RCAN2: variants seen among roughly 807,000 people sequenced by gnomAD.
The protein encoded by RCAN2 is calcipressin-2.
In RCAN2, 9 loss-of-function variants were observed where a neutral mutation model predicts 23.6. The observed-to-expected ratio is 0.38, with a 90% confidence interval of 0.23 to 0.67. The LOEUF is 0.67. Ranked by LOEUF, RCAN2 falls within the 30% of genes least tolerant of loss-of-function variation. The pLI, the probability that RCAN2 is intolerant of heterozygous loss-of-function variation, is 0.51. For missense variants in RCAN2, 273 were observed against 302.3 expected (o/e 0.90, Z 0.72); for synonymous variants, 109 against 115.7 (o/e 0.94, Z 0.37).
At chr6:46,315,116 G>C (rs1325234764) in intron 2 of RCAN2, among the ~76,000 whole-genome samples, 2 of 152,162 alleles carry the variant, frequency 1.3e-5, no homozygotes, top group African/African-American at 4.8e-5. Flanking sequence ...ATTAAAACTG[G>C]CCTTGAATCT....
At chr6:46,450,878 C>A (rs1372260570) in intron 2 of RCAN2, among the ~76,000 whole-genome samples, 2 of 151,914 alleles carry the variant, frequency 1.3e-5, no homozygotes, top group Non-Finnish European at 2.9e-5. Context: ...TAAAAATAAT[C>A]TATTGTATTT....
At chr6:46,371,374 A>G (rs142691080) in intron 2 of RCAN2, among the ~76,000 whole-genome samples, 3 of 152,348 alleles carry the variant, frequency 2.0e-5, no homozygotes, top group East Asian at 3.9e-4. Context: ...GCATGAGCAC[A>G]GGGCTGCTGG....
chr6:46,253,841 T>C (rs1189279572), intron 2 of RCAN2, among the ~76,000 whole-genome samples: 1 of 152,184 alleles, frequency 6.6e-6, no homozygotes, highest in Non-Finnish European at 1.5e-5. Context: ...GATATACAAA[T>C]ACTTATGTGT....
rs114733628 is a variant in RCAN2, at chr6:46,277,747, G to A, written c.226-28851C>T. 4.5e-3 allele frequency among the ~76,000 whole-genome samples: 682 copies of A among 152,128 alleles called. 4 individuals carry two copies. The highest frequency in any genetic ancestry group is 0.016 in the African/African-American group (654 of 41,502). On this transcript the variant is annotated intron_variant, in intron 2 of 4. Coordinates refer to ENST00000371374, the MANE Select transcript of RCAN2 (RefSeq NM_001251974.2). ...AGGGTGTGGGTGGTCATGGGGAAGG[G>A]AGTGCTTTAAAGGGTTTTACTCAAT...
At chr6:46,339,106 C>A (rs1764228752) in intron 2 of RCAN2, among the ~76,000 whole-genome samples, 2 of 151,678 alleles carry the variant, frequency 1.3e-5, no homozygotes, top group African/African-American at 4.8e-5. Context: ...CACCACCCAC[C>A]CATCCAATGA....
chr6:46,291,279 T>TG (rs1259682338), intron 2 of RCAN2, among the ~76,000 whole-genome samples: 1 of 63,938 alleles, frequency 1.6e-5, no homozygotes. Flanking sequence ...AATTCGCCAG[T>TG]GTTTTTTTTT....
intron 2 of RCAN2, among the ~76,000 whole-genome samples, chr6:46,310,227 T>C (rs1285838815): frequency 6.6e-6 from 1 of 152,070 alleles, no homozygotes; most frequent in Non-Finnish European, 1.5e-5. Flanking sequence ...GCCTGAGTAA[T>C]GACAATAATT....
At chr6:46,321,091 C>A (rs1358440657) in intron 2 of RCAN2, among the ~76,000 whole-genome samples, 1 of 152,110 alleles carries the variant, frequency 6.6e-6, no homozygotes, top group Admixed American at 6.5e-5. Flanking sequence ...CTGTACATGG[C>A]TCTCTAAATT....
chr6:46,282,259 C>T (rs1303804590), intron 2 of RCAN2, among the ~76,000 whole-genome samples: 1 of 151,986 alleles, frequency 6.6e-6, no homozygotes, highest in African/African-American at 2.4e-5. Context: ...AAATAGGTCA[C>T]ACTGGGCTGG....
Position 46,248,827 on chromosome 6 carries a change from G to A in RCAN2, c.295C>T (p.Arg99Cys). ...GGATTGCTGAAGTTTATACGGACAC[G>A]TCTGAAACTCTTAAATAGCTGGAAC... ...VTFQLFKSFRRVRINFSNPKS... is the reference protein window; with the variant it reads ...VTFQLFKSFRCVRINFSNPKS... The change falls in exon 3 of 5, where the codon CGT becomes TGT. Residue 99 changes from arginine to cysteine, a missense_variant. Arg to Cys is a radical substitution (Grantham distance 180, BLOSUM62 -3). Transcript: ENST00000371374. 2 of 1,612,858 alleles carry A rather than the reference G, an allele frequency of 1.2e-6. No homozygotes were observed. Among genetic ancestry groups the A allele is most frequent in the South Asian group, 1.1e-5 (1 of 90,990 alleles).
intron 2 of RCAN2, among the ~76,000 whole-genome samples, chr6:46,269,654 C>A (rs1205649595): frequency 6.6e-6 from 1 of 152,144 alleles, no homozygotes; most frequent in Non-Finnish European, 1.5e-5. Context: ...TGCAGCTGTG[C>A]AGATACAGGC....
chr6:46,471,045 AG>A (rs1446421311), intron 1 of RCAN2, among the ~76,000 whole-genome samples: 1 of 152,176 alleles, frequency 6.6e-6, no homozygotes, highest in Non-Finnish European at 1.5e-5. Flanking sequence ...CACTTTATGT[AG>A]GGGTGGTGAG....
At chr6:46,226,485 T>A (rs1765669763) in intron 4 of RCAN2, among the ~76,000 whole-genome samples, 1 of 152,228 alleles carries the variant, frequency 6.6e-6, no homozygotes, top group Non-Finnish European at 1.5e-5. Flanking sequence ...TAGTTCTTCT[T>A]GAAGAGGTCC....
chr6:46,225,240 CAT>C (rs1765622891), intron 4 of RCAN2, among the ~76,000 whole-genome samples: 1 of 152,178 alleles, frequency 6.6e-6, no homozygotes, highest in Admixed American at 6.5e-5. Context: ...CCACAATAAA[CAT>C]ATGTGTGCAT....
chr6:46,227,520 G>A (rs1366048979), intron 4 of RCAN2, among the ~76,000 whole-genome samples: 1 of 151,820 alleles, frequency 6.6e-6, no homozygotes, highest in African/African-American at 2.4e-5. Flanking sequence ...TTGGGAGGGT[G>A]TATGTGTCCA....
chr6:46,237,130 A>G (rs1414781023), intron 4 of RCAN2, among the ~76,000 whole-genome samples: 1 of 152,200 alleles, frequency 6.6e-6, no homozygotes, highest in African/African-American at 2.4e-5. Flanking sequence ...AAGGGAGCCT[A>G]GTTTTGTCTT....
intron 2 of RCAN2, among the ~76,000 whole-genome samples, chr6:46,297,231 A>C (rs1762752778): frequency 6.6e-6 from 1 of 152,140 alleles, no homozygotes; most frequent in Admixed American, 6.6e-5. Context: ...GTGCAAAAGG[A>C]GGCTCTACAG....
intron 4 of RCAN2, among the ~76,000 whole-genome samples, chr6:46,224,337 A>G (rs1334378657): frequency 6.6e-6 from 1 of 152,210 alleles, no homozygotes; most frequent in East Asian, 1.9e-4. Context: ...TAAATCTTCC[A>G]AAAACAATAA....
chr6:46,411,849 T>A (rs1766560292), intron 2 of RCAN2, among the ~76,000 whole-genome samples: 1 of 152,024 alleles, frequency 6.6e-6, no homozygotes. Context: ...AGGAGAATGG[T>A]TAGAGATAAA....
Sources: allele counts gnomAD v4.1 joint callset (sites outside exome capture counted in the v4.1 genomes callset), GRCh38; gene constraint gnomAD v4.1.1; transcripts MANE v1.5; gene names NCBI Gene and HGNC (gene_info 2026-07-23, HGNC 2026-07-21).